Variants in ELOVL6 observed in about 807,000 individuals in gnomAD.
The protein encoded by ELOVL6 is very long chain fatty acid elongase 6.
ELOVL6 carries 8 observed loss-of-function variants against 31.7 expected under a neutral mutation model. That is an observed-to-expected ratio of 0.25 (90% CI 0.15 to 0.45). The LOEUF (loss-of-function observed/expected upper bound fraction) is 0.45, where lower values mean the gene tolerates loss of function less well. Ranked by LOEUF, ELOVL6 falls within the 20% of genes least tolerant of loss-of-function variation. The pLI is 1.00. For synonymous variants in ELOVL6, 101 were observed against 117.7 expected, an observed-to-expected ratio of 0.86 and a Z score of 0.92; for missense variants, 126 against 326.4, an observed-to-expected ratio of 0.39 and a Z score of 4.73.
intron 2 of ELOVL6, among the ~76,000 whole-genome samples, chr4:110,083,989 ATATATAACATATGCCATATATGG>A (rs1755999991): frequency 5.9e-5 from 5 of 84,896 alleles, no homozygotes; most frequent in African/African-American, 1.2e-4. Context: ...GCCATATACG[ATATATAACATATGCCATATATGG>A]TATATAACAT....
chr4:110,156,480 G>T (rs1393271243), intron 1 of ELOVL6, among the ~76,000 whole-genome samples: 1 of 152,092 alleles, frequency 6.6e-6, no homozygotes, highest in African/African-American at 2.4e-5. Flanking sequence ...GAGCCTAGGA[G>T]TTCGAGACTA....
chr4:110,166,561 C>A (rs1270203984), intron 1 of ELOVL6, among the ~76,000 whole-genome samples: 1 of 152,084 alleles, frequency 6.6e-6, no homozygotes, highest in Non-Finnish European at 1.5e-5. Flanking sequence ...GTAAATGAGC[C>A]GAGATCGCGC....
chr4:110,084,113 T>C lies in ELOVL6; in HGVS notation c.221+21384A>G, dbSNP rs1293682606. Among the ~76,000 whole-genome samples the C allele has an allele frequency of 5.3e-3, 408 of 76,966 alleles. 70 individuals carry two copies. The highest frequency in any genetic ancestry group is 0.038 in the Middle Eastern group (2 of 52). The allele number at this position is 76,966 out of a possible 152,430, so 50.5% of individuals were successfully genotyped here. A position where few individuals can be genotyped will look rare whatever the true frequency, so the allele number is the denominator to read the frequency against. On this transcript the variant is annotated intron_variant, in intron 2 of 3. Coordinates refer to ENST00000302274, the MANE Select transcript of ELOVL6 (RefSeq NM_024090.3). Reference sequence around the variant, plus strand: ...TATAACATATATATGATATATATGATATATATAACATATATGTGATAATGA... The same window carrying C: ...TATAACATATATATGATATATATGACATATATAACATATATGTGATAATGA...
chr4:110,132,732 T>C (rs1458028028), intron 1 of ELOVL6, among the ~76,000 whole-genome samples: 2 of 151,920 alleles, frequency 1.3e-5, no homozygotes, highest in Non-Finnish European at 2.9e-5. Flanking sequence ...CCCAGCTACT[T>C]GGGAGGCTGA....
chr4:110,131,790 T>C (rs1757676616), intron 1 of ELOVL6, among the ~76,000 whole-genome samples: 1 of 152,140 alleles, frequency 6.6e-6, no homozygotes, highest in Non-Finnish European at 1.5e-5. Context: ...TAGATGCTGG[T>C]GACACAAACC....
At chr4:110,117,997 C>T (rs1470125928) in intron 1 of ELOVL6, 2 of 128,750 alleles carry the variant, frequency 1.6e-5, no homozygotes, top group Admixed American at 1.6e-4. Flanking sequence ...CTCACTCTAT[C>T]GCCCAGGCTG....
At chr4:110,123,454 C>G (rs1300068764) in intron 1 of ELOVL6, among the ~76,000 whole-genome samples, 1 of 152,092 alleles carries the variant, frequency 6.6e-6, no homozygotes, top group East Asian at 1.9e-4. Flanking sequence ...AAAACCCCGT[C>G]CTCGTGGATG....
intron 2 of ELOVL6, among the ~76,000 whole-genome samples, chr4:110,081,929 T>C (rs200618550): frequency 0.23 from 33,558 of 145,098 alleles, 4,262 homozygotes; most frequent in Non-Finnish European, 0.27. Context: ...AAAAAGTGGG[T>C]GAAGGATATG....
chr4:110,127,168 G>A (rs1290989164), intron 1 of ELOVL6, among the ~76,000 whole-genome samples: 1 of 152,042 alleles, frequency 6.6e-6, no homozygotes, highest in Non-Finnish European at 1.5e-5. Flanking sequence ...CAGCACTTTG[G>A]GAGGCCGAGA....
intron 1 of ELOVL6, among the ~76,000 whole-genome samples, chr4:110,185,800 T>C (rs12498965): frequency 0.069 from 10,442 of 151,978 alleles, 480 homozygotes; most frequent in East Asian, 0.15. Flanking sequence ...AGTCAGTATG[T>C]AGAAATACCT....
At chr4:110,147,580 C>G (rs2126263985) in intron 1 of ELOVL6, among the ~76,000 whole-genome samples, 1 of 152,186 alleles carries the variant, frequency 6.6e-6, no homozygotes, top group African/African-American at 2.4e-5. Flanking sequence ...ACAACTTAAC[C>G]AAAAACCCTC....
intron 2 of ELOVL6, among the ~76,000 whole-genome samples, chr4:110,084,416 TG>T (rs1392030700): frequency 0.039 from 2,978 of 76,918 alleles, 315 homozygotes; most frequent in South Asian, 0.046. Flanking sequence ...ATGACATACA[TG>T]ATATATCACA....
At chr4:110,087,510 A>G (rs2126237662) in intron 2 of ELOVL6, among the ~76,000 whole-genome samples, 1 of 152,322 alleles carries the variant, frequency 6.6e-6, no homozygotes, top group Admixed American at 6.5e-5. Context: ...GGCAGCTCTA[A>G]AGGGTAATTA....
chr4:110,091,654 G>T (rs1169512832), intron 2 of ELOVL6, among the ~76,000 whole-genome samples: 1 of 152,106 alleles, frequency 6.6e-6, no homozygotes, highest in African/African-American at 2.4e-5. Flanking sequence ...GAAAATTTCT[G>T]CTCCAGTTCC....
intron 2 of ELOVL6, among the ~76,000 whole-genome samples, chr4:110,074,190 G>A (rs1755567684): frequency 6.6e-6 from 1 of 152,170 alleles, no homozygotes; most frequent in African/African-American, 2.4e-5. Flanking sequence ...ATATGAAATG[G>A]CTTGGTATTT....
At chr4:110,125,372 T>C (rs1055418205) in intron 1 of ELOVL6, among the ~76,000 whole-genome samples, 1 of 152,200 alleles carries the variant, frequency 6.6e-6, no homozygotes, top group Non-Finnish European at 1.5e-5. Flanking sequence ...TACATTTCCC[T>C]ACGTGTTTCC....
intron 3 of ELOVL6, among the ~76,000 whole-genome samples, chr4:110,053,204 C>A (rs573484538): frequency 1.3e-5 from 2 of 152,302 alleles, no homozygotes; most frequent in East Asian, 3.9e-4. Flanking sequence ...CGTGAGCCAC[C>A]GCCCTGAGAA....
Position 110,117,881 on chromosome 4 carries a change from C to CAAAAAAAAA in ELOVL6, c.90-12262_90-12254dup, listed in dbSNP as rs779775193. 4 of 2,064 alleles carry CAAAAAAAAA rather than the reference C, an allele frequency of 1.9e-3. 2 individuals are homozygous for CAAAAAAAAA. Among genetic ancestry groups the CAAAAAAAAA allele is most frequent in the African/African-American group, 3.1e-3 (2 of 636 alleles). The allele number at this position is 2,064 out of a possible 1,614,324, so 0.1% of individuals were successfully genotyped here. On this transcript the variant is annotated intron_variant, in intron 1 of 3. Coordinates refer to ENST00000302274, the MANE Select transcript of ELOVL6 (RefSeq NM_024090.3). Reference sequence around the variant, plus strand: ...TGGGCAACAGAGTGAGACTCTGTCTCAAAAAAAAAAAAAAAAAAAAAAATA... The same window carrying CAAAAAAAAA: ...TGGGCAACAGAGTGAGACTCTGTCTCAAAAAAAAAAAAAAAAAAAAAAAAAAAAAAAATA...
At chr4:110,163,686 A>G (rs546195013) in intron 1 of ELOVL6, among the ~76,000 whole-genome samples, 1 of 152,326 alleles carries the variant, frequency 6.6e-6, no homozygotes, top group East Asian at 1.9e-4. Flanking sequence ...CAAAAATGGA[A>G]GAGTTTAAGA....
Sources: gnomAD v4.1 joint callset for allele counts (sites outside exome capture counted in the v4.1 genomes callset) on GRCh38, gnomAD v4.1.1 for gene constraint, MANE v1.5 for transcripts, NCBI Gene and HGNC (gene_info 2026-07-23, HGNC 2026-07-21) for gene names.